The following IMMP2L variants were observed in gnomAD, a reference collection of about 807,000 sequenced individuals.
IMMP2L encodes the protein mitochondrial inner membrane protease subunit 2.
IMMP2L carries 18 observed loss-of-function variants against 19.3 expected under a neutral mutation model. The ratio of observed to expected loss-of-function variants is 0.93; its 90% CI spans 0.64 to 1.38. IMMP2L has a LOEUF of 1.38. Ranked by LOEUF, IMMP2L falls within the 40% of genes most tolerant of loss-of-function variation. The pLI is 0.00. For synonymous variants in IMMP2L, 76 were observed against 73.0 expected (o/e 1.04, Z -0.21); for missense variants, 233 against 218.2 (o/e 1.07, Z -0.43).
At chr7:110,761,734 G>A (rs1315361133) in intron 5 of IMMP2L, among the ~76,000 whole-genome samples, 1 of 152,138 alleles carries the variant, frequency 6.6e-6, no homozygotes, top group Non-Finnish European at 1.5e-5. Context: ...TCACAGATGA[G>A]GAACCTGAGG....
At position 111,242,551 on chromosome 7, in the gene IMMP2L, C is replaced by G. The variant is rs113368690; in HGVS notation, c.239+244687G>C. 3.6e-3 allele frequency among the ~76,000 whole-genome samples: 550 copies of G among 152,226 alleles called. 4 individuals carry two copies. The highest frequency in any genetic ancestry group is 0.013 in the African/African-American group (520 of 41,550). ...AATGAGCTACAAAATACAATTCATT[C>G]ACCTGAACCACCCACGTACTTTTTG... is the stretch of plus-strand genomic sequence containing the variant. On this transcript the variant is annotated intron_variant, in intron 3 of 5. Transcript: ENST00000405709.
intron 3 of IMMP2L, among the ~76,000 whole-genome samples, chr7:111,240,420 A>G (rs1015387617): frequency 2.6e-5 from 4 of 152,026 alleles, no homozygotes; most frequent in African/African-American, 9.7e-5. Context: ...TGTTTACAAC[A>G]CAGTCAATTT....
intron 3 of IMMP2L, among the ~76,000 whole-genome samples, chr7:111,258,814 A>G (rs1317624604): frequency 1.3e-5 from 2 of 152,122 alleles, no homozygotes; most frequent in African/African-American, 2.4e-5. Context: ...CCAGAAAAAC[A>G]TATTTTTGAA....
chr7:111,346,807 A>G (rs1322911395), intron 3 of IMMP2L, among the ~76,000 whole-genome samples: 1 of 152,168 alleles, frequency 6.6e-6, no homozygotes, highest in Non-Finnish European at 1.5e-5. Context: ...GTGGTATAGC[A>G]GTGACTTAGA....
chr7:111,463,553 T>G (rs1840336645), intron 3 of IMMP2L, among the ~76,000 whole-genome samples: 1 of 152,150 alleles, frequency 6.6e-6, no homozygotes, highest in Admixed American at 6.5e-5. Flanking sequence ...ACCAGGCCAC[T>G]TTTTTGGTAG....
chr7:111,172,498 C>T (rs1287605307), intron 3 of IMMP2L, among the ~76,000 whole-genome samples: 1 of 151,536 alleles, frequency 6.6e-6, no homozygotes, highest in Non-Finnish European at 1.5e-5. Flanking sequence ...GTGTTGAGAA[C>T]ATTCAAAATC....
chr7:111,536,631 C>T (rs1285569074), intron 1 of IMMP2L, among the ~76,000 whole-genome samples: 1 of 151,930 alleles, frequency 6.6e-6, no homozygotes, highest in Non-Finnish European at 1.5e-5. Flanking sequence ...AAAATAAGTC[C>T]CCTTTATGAT....
intron 3 of IMMP2L, among the ~76,000 whole-genome samples, chr7:111,448,174 C>A (rs1838720010): frequency 7.7e-6 from 1 of 129,372 alleles, no homozygotes; most frequent in African/African-American, 3.7e-5. Context: ...ACAAGGATAC[C>A]CAGGAATTGA....
chr7:111,470,737 A>AG (rs1386068527), intron 3 of IMMP2L, among the ~76,000 whole-genome samples: 1 of 16,848 alleles, frequency 5.9e-5, no homozygotes, highest in Non-Finnish European at 1.2e-4. Flanking sequence ...GGTGGGGGGG[A>AG]GGGGGGAGGG....
Position 110,725,295 on chromosome 7 carries a change from C to CT in IMMP2L, c.409-61575dup, listed in dbSNP as rs143455914. 5.3e-3 allele frequency among the ~76,000 whole-genome samples: 811 copies of CT among 152,182 alleles called. 10 individuals are homozygous for CT. The highest frequency in any genetic ancestry group is 0.019 in the African/African-American group (774 of 41,544). On this transcript the variant is annotated intron_variant, in intron 5 of 5. Transcript: ENST00000405709. The stretch of plus-strand genomic sequence containing the variant: ...TATGATTTTAGTTACTAAAGAAATT[C>CT]TTGTTCTAAATATTTTGCTTTTTAC...
At position 111,315,737 on chromosome 7, in the gene IMMP2L, A is replaced by G. The variant is rs867993484; in HGVS notation, c.239+171501T>C. On this transcript the variant is annotated intron_variant, in intron 3 of 5. Transcript: ENST00000405709. ...ACATTTCCTAGTGGCTTCTTAAAAA[A>G]AAAAAAAAGGCTTCATTTTTCAACT... 2.7e-4 allele frequency among the ~76,000 whole-genome samples: 41 copies of G among 152,190 alleles called. 1 individual carries two copies. In the Middle Eastern group the frequency reaches 0.01, roughly 38 times the overall value.
chr7:111,298,916 AAAAT>A (rs529579208), intron 3 of IMMP2L, among the ~76,000 whole-genome samples: 8 of 152,126 alleles, frequency 5.3e-5, no homozygotes, highest in Non-Finnish European at 8.8e-5. Context: ...GTAATAAACT[AAAAT>A]AAAGGGGTTA....
intron 3 of IMMP2L, among the ~76,000 whole-genome samples, chr7:111,250,243 C>T (rs1815935253): frequency 6.6e-6 from 1 of 151,694 alleles, no homozygotes; most frequent in South Asian, 2.1e-4. Flanking sequence ...ACCACTGCTC[C>T]AAGAAATCAA....
chr7:111,271,344 A>G (rs1818450024), intron 3 of IMMP2L, among the ~76,000 whole-genome samples: 1 of 152,166 alleles, frequency 6.6e-6, no homozygotes, highest in Admixed American at 6.6e-5. Context: ...GAATGGATTA[A>G]TATACACACC....
intron 3 of IMMP2L, among the ~76,000 whole-genome samples, chr7:111,118,157 C>A (rs1184889396): frequency 6.6e-6 from 1 of 152,046 alleles, no homozygotes; most frequent in Non-Finnish European, 1.5e-5. Context: ...GCATCATTGT[C>A]CTCAGCTATT....
intron 3 of IMMP2L, among the ~76,000 whole-genome samples, chr7:111,344,085 C>T (rs567840948): frequency 1.3e-5 from 2 of 152,184 alleles, no homozygotes; most frequent in African/African-American, 2.4e-5. Context: ...GCATTATTTC[C>T]ATTCTTGCCC....
chr7:111,405,056 C>T (rs113806009), intron 3 of IMMP2L, among the ~76,000 whole-genome samples: 3,152 of 152,168 alleles, frequency 0.021, 112 homozygotes, highest in African/African-American at 0.072. Context: ...CTTCTGGTAA[C>T]ATACAATCAG....
intron 5 of IMMP2L, among the ~76,000 whole-genome samples, chr7:110,876,252 G>A (rs1409368693): frequency 6.6e-6 from 1 of 152,034 alleles, no homozygotes; most frequent in African/African-American, 2.4e-5. Flanking sequence ...TCTACATTCT[G>A]GGAATTGTCT....
At chr7:111,528,973 T>C (rs1016969726) in intron 1 of IMMP2L, among the ~76,000 whole-genome samples, 1 of 152,170 alleles carries the variant, frequency 6.6e-6, no homozygotes, top group Non-Finnish European at 1.5e-5. Flanking sequence ...GTACCTACCA[T>C]GCACCATGGA....
Sources: gnomAD v4.1 joint callset for allele counts (sites outside exome capture counted in the v4.1 genomes callset) on GRCh38, gnomAD v4.1.1 for gene constraint, MANE v1.5 for transcripts, NCBI Gene and HGNC (gene_info 2026-07-23, HGNC 2026-07-21) for gene names.